Variants in ARSB observed in about 807,000 individuals in gnomAD.
The protein encoded by ARSB is arylsulfatase B, also known as N-acetylgalactosamine-4-sulfatase.
In ARSB, 41 loss-of-function variants were observed where a neutral mutation model predicts 50.9. That is an observed-to-expected ratio of 0.81 (90% CI 0.63 to 1.04). ARSB has a LOEUF of 1.04. Among genes scored for constraint, ARSB ranks in the 50% least tolerant of loss-of-function variants. ARSB has a pLI of 0.00. For synonymous variants in ARSB, 269 were observed against 284.8 expected, an observed-to-expected ratio of 0.94 and a Z score of 0.56; for missense variants, 672 against 693.3, an observed-to-expected ratio of 0.97 and a Z score of 0.35.
intron 6 of ARSB, among the ~76,000 whole-genome samples, chr5:78,787,473 G>A (rs12109559): frequency 6.6e-5 from 10 of 152,160 alleles, no homozygotes; most frequent in East Asian, 3.9e-4. Flanking sequence ...TTAAAATTTC[G>A]TTGACAGAGT....
At chr5:78,882,339 G>A (rs1747789143) in intron 5 of ARSB, among the ~76,000 whole-genome samples, 1 of 152,212 alleles carries the variant, frequency 6.6e-6, no homozygotes, top group Non-Finnish European at 1.5e-5. Flanking sequence ...AGACAAGAGA[G>A]CAGGAGGAGG....
intron 4 of ARSB, among the ~76,000 whole-genome samples, chr5:78,948,690 C>T (rs1030976246): frequency 1.3e-5 from 2 of 152,072 alleles, no homozygotes; most frequent in African/African-American, 4.8e-5. Flanking sequence ...TACCTAGGAG[C>T]GCCTGAACTT....
intron 6 of ARSB, among the ~76,000 whole-genome samples, chr5:78,782,883 A>G (rs1381923430): frequency 5.9e-5 from 9 of 152,292 alleles, no homozygotes; most frequent in Admixed American, 4.6e-4. Context: ...CAGAGTGCTT[A>G]CATATATCCA....
intron 1 of ARSB, among the ~76,000 whole-genome samples, chr5:78,984,461 A>C (rs1753050367): frequency 6.6e-6 from 1 of 152,168 alleles, no homozygotes; most frequent in Admixed American, 6.5e-5. Context: ...CCTGGAAAAA[A>C]ATAATCTTTG....
At chr5:78,955,569 A>G in intron 3 of ARSB, 67 bp from the exon 4 acceptor site, 2 of 1,332,222 alleles carry the variant, frequency 1.5e-6, no homozygotes, top group Non-Finnish European at 1.1e-6. Flanking sequence ...AGGATAAGAC[A>G]GTTCAGATTT....
intron 6 of ARSB, among the ~76,000 whole-genome samples, chr5:78,825,273 AC>A (rs1744387024): frequency 6.6e-6 from 1 of 152,236 alleles, no homozygotes; most frequent in South Asian, 2.1e-4. Flanking sequence ...AGCTTTTCTT[AC>A]ATGCTCTTCC....
chr5:78,811,483 T>G (rs896563350), intron 6 of ARSB, among the ~76,000 whole-genome samples: 1 of 152,182 alleles, frequency 6.6e-6, no homozygotes, highest in Non-Finnish European at 1.5e-5. Context: ...GATATGAGGA[T>G]TATGAGACAA....
intron 5 of ARSB, among the ~76,000 whole-genome samples, chr5:78,848,089 T>C (rs1745536476): frequency 6.6e-6 from 1 of 151,142 alleles, no homozygotes; most frequent in African/African-American, 2.4e-5. Flanking sequence ...TTATTATACT[T>C]TAAGTTTTAG....
At chr5:78,845,564 G>A (rs933433185) in intron 5 of ARSB, among the ~76,000 whole-genome samples, 3 of 151,924 alleles carry the variant, frequency 2.0e-5, no homozygotes, top group African/African-American at 7.3e-5. Flanking sequence ...TTTTGATAAT[G>A]GCCATTCTAA....
At chr5:78,831,192 G>C (rs918674644) in intron 6 of ARSB, among the ~76,000 whole-genome samples, 12 of 152,110 alleles carry the variant, frequency 7.9e-5, no homozygotes, top group Admixed American at 2.0e-4. Flanking sequence ...TATAGGTGAT[G>C]AAACAGATGG....
At chr5:78,861,831 T>C (rs140703052) in intron 5 of ARSB, among the ~76,000 whole-genome samples, 177 of 152,284 alleles carry the variant, frequency 1.2e-3, no homozygotes, top group African/African-American at 4.1e-3. Flanking sequence ...TTGTCCCTGT[T>C]TGCACATGAC....
chr5:78,826,551 G>A (rs1367050408), intron 6 of ARSB, among the ~76,000 whole-genome samples: 2 of 152,012 alleles, frequency 1.3e-5, no homozygotes, highest in Non-Finnish European at 2.9e-5. Context: ...CTGGGGGCAG[G>A]GGGTAGCTAC....
chr5:78,834,483 G>A (rs1297928166), intron 6 of ARSB, among the ~76,000 whole-genome samples: 1 of 151,490 alleles, frequency 6.6e-6, no homozygotes, highest in Non-Finnish European at 1.5e-5. Flanking sequence ...TGTAAGTGGA[G>A]TCATATAGTT....
At chr5:78,875,771 G>C (rs998835880) in intron 5 of ARSB, among the ~76,000 whole-genome samples, 1 of 151,846 alleles carries the variant, frequency 6.6e-6, no homozygotes, top group East Asian at 1.9e-4. Context: ...GGGTTCAAGC[G>C]ATTCTCCTCC....
At position 78,937,271 on chromosome 5, in the gene ARSB, C is replaced by T. The variant is rs73771308; in HGVS notation, c.898+18024G>A. The stretch of plus-strand genomic sequence containing the variant: ...GGAAGTTCGATATATATATATCTTA[C>T]ATATATATGTAAGATATATATATGT... On this transcript the variant is annotated intron_variant, in intron 4 of 7. Transcript: ENST00000264914. 6.3e-3 allele frequency among the ~76,000 whole-genome samples: 827 copies of T among 131,694 alleles called. 25 individuals are homozygous for T. Among genetic ancestry groups the T allele is most frequent in the African/African-American group, 0.023 (782 of 33,810 alleles). 86.4% of individuals were successfully genotyped at this position (131,694 alleles called of 152,430 possible). A position where few individuals can be genotyped will look rare whatever the true frequency, so the allele number is the denominator to read the frequency against.
chr5:78,864,160 G>A lies in ARSB; in HGVS notation c.1142+21424C>T, dbSNP rs765041239. ...AGTCAGGCTAGAATTATGCAAAAGA[G>A]GGTTAGGGGGTACAAGAGGAGTGTA... On this transcript the variant is annotated intron_variant, in intron 5 of 7. Transcript: ENST00000264914. Among the ~76,000 whole-genome samples the A allele has an allele frequency of 3.0e-4, 46 of 152,100 alleles. No individual in the cohort carries two copies. In the Middle Eastern group the frequency reaches 0.01, roughly 34 times the overall value.
intron 5 of ARSB, among the ~76,000 whole-genome samples, chr5:78,874,176 A>G (rs112711934): frequency 7.0e-4 from 107 of 152,378 alleles, no homozygotes; most frequent in African/African-American, 2.4e-3. Flanking sequence ...TTTAATAAAC[A>G]TGCAAGAATT....
intron 5 of ARSB, among the ~76,000 whole-genome samples, chr5:78,863,014 C>G (rs1179221460): frequency 1.3e-5 from 2 of 152,202 alleles, no homozygotes; most frequent in African/African-American, 2.4e-5. Context: ...AAATGCTCAT[C>G]ATCACTGGTC....
intron 5 of ARSB, among the ~76,000 whole-genome samples, chr5:78,847,919 T>G (rs1203375820): frequency 6.6e-6 from 1 of 152,104 alleles, no homozygotes; most frequent in Non-Finnish European, 1.5e-5. Flanking sequence ...TCTCCTTTTT[T>G]GTTGGTGATT....
Sources: gnomAD v4.1 joint callset for allele counts (sites outside exome capture counted in the v4.1 genomes callset) on GRCh38, gnomAD v4.1.1 for gene constraint, MANE v1.5 for transcripts, NCBI Gene and HGNC (gene_info 2026-07-23, HGNC 2026-07-21) for gene names.